Variants in CDH7 observed in about 807,000 individuals in gnomAD.
The protein encoded by CDH7 is cadherin-7.
Under a neutral mutation model 71.8 loss-of-function variants are expected in CDH7, and 25 were observed. The observed-to-expected ratio is 0.35, with a 90% CI of 0.25 to 0.49. The LOEUF is 0.49. Ranked by LOEUF, CDH7 falls within the 20% of genes least tolerant of loss-of-function variation. The pLI is 0.99. For synonymous variants in CDH7, 381 were observed against 363.8 expected (o/e 1.05, Z -0.54); for missense variants, 862 against 974.6 (o/e 0.88, Z 1.54).
chr18:65,843,990 C>T lies in CDH7; in HGVS notation c.1160C>T (p.Ser387Leu), dbSNP rs371003088. The change falls in exon 7 of 12, where the codon TCG (serine) becomes TTG (leucine). Residue 387 changes from serine (S) to leucine (L), a missense_variant. Physicochemically the swap from Ser to Leu is moderately radical, Grantham distance 145. Transcript: ENST00000397968. ...FSSPLYPMEV[S>L]EATQVGNIIG... ...TCACCCTTGTACCCTATGGAGGTGT[C>T]GGAAGCTACCCAGGTTGGGAATATC... 6.1e-5 allele frequency: 99 copies of T among 1,612,614 alleles called. No individual in the cohort carries two copies. The highest frequency in any genetic ancestry group is 7.7e-5 in the Non-Finnish European group (91 of 1,179,238).
chr18:65,817,105 G>A (rs1911750547), intron 4 of CDH7, among the ~76,000 whole-genome samples: 1 of 152,058 alleles, frequency 6.6e-6, no homozygotes, highest in Non-Finnish European at 1.5e-5. Flanking sequence ...TCGGAATGAC[G>A]GCATAGGTCA....
chr18:65,794,995 A>G (rs1910858749), intron 2 of CDH7, among the ~76,000 whole-genome samples: 1 of 152,254 alleles, frequency 6.6e-6, no homozygotes, highest in South Asian at 2.1e-4. Context: ...TAAAAGAGCT[A>G]TACAACAATT....
In CDH7 at chr18:65,885,842, T is replaced by C. The variant is rs1015177956; in HGVS notation, c.*4948T>C. ...ACCGAATGAAAGGAGAAATATCTTA[T>C]TTGCTGTAACAATCTAATTTATATT... On this transcript the variant is annotated 3_prime_UTR_variant, in exon 12 of 12. Transcript: ENST00000397968. 4.6e-5 allele frequency: 7 copies of C among 152,204 alleles called. No homozygotes were observed. The highest frequency in any genetic ancestry group is 2.1e-4 in the South Asian group (1 of 4,830). The allele number at this position is 152,204 out of a possible 1,614,324, so 9.4% of individuals were successfully genotyped here.
At chr18:65,858,566 A>T (rs1913446667) in intron 8 of CDH7, among the ~76,000 whole-genome samples, 1 of 151,992 alleles carries the variant, frequency 6.6e-6, no homozygotes, top group Non-Finnish European at 1.5e-5. Flanking sequence ...CTCATCAGGG[A>T]CTAAAAAACT....
chr18:65,853,008 A>G (rs1913204594), intron 7 of CDH7, among the ~76,000 whole-genome samples: 1 of 152,162 alleles, frequency 6.6e-6, no homozygotes, highest in Admixed American at 6.6e-5. Context: ...AATTTCAGGA[A>G]CTAGTTTTAG....
At position 65,882,511 on chromosome 18, in the gene CDH7, T is replaced by C. The variant is rs901731789; in HGVS notation, c.*1617T>C. 2 of 152,124 alleles carry C rather than the reference T, an allele frequency of 1.3e-5. No homozygotes were observed. The highest frequency in any genetic ancestry group is 4.8e-5 in the African/African-American group (2 of 41,448). 9.4% of individuals were successfully genotyped at this position (152,124 alleles called of 1,614,324 possible). On this transcript the variant is annotated 3_prime_UTR_variant, in exon 12 of 12. Transcript: ENST00000397968. ...CAGTGGAATTAGAATATTAATATGT[T>C]GATTACACAAAGAAGAACTATGTAG...
rs941843960 is a variant in CDH7, at chr18:65,814,471, G to T, written c.506-14G>T. 1.9e-6 allele frequency: 3 copies of T among 1,613,566 alleles called. No homozygotes were observed. The highest frequency in any genetic ancestry group is 2.5e-6 in the Non-Finnish European group (3 of 1,179,794). ...GGAAGTTTTTAATTCAGTGGTTTTG[G>T]GATTGGCATCTAGGGACCTCAGTGG... On this transcript the variant is annotated splice_polypyrimidine_tract_variant and intron_variant, in intron 3 of 11. Coordinates refer to ENST00000397968, the MANE Select transcript of CDH7 (RefSeq NM_004361.5).
At position 65,762,760 on chromosome 18, in the gene CDH7, A is replaced by G; in HGVS notation, c.-83A>G. On this transcript the variant is annotated 5_prime_UTR_variant, in exon 2 of 12. Coordinates refer to ENST00000397968, the MANE Select transcript of CDH7 (RefSeq NM_004361.5). Reference sequence around the variant, plus strand: ...CCCAGCTGACACCCTGCCGGAGGCAAGAGCTACTAAGCCAACTGGAACTGT... The same window carrying G: ...CCCAGCTGACACCCTGCCGGAGGCAGGAGCTACTAAGCCAACTGGAACTGT... The G allele has an allele frequency of 1.7e-6, 2 of 1,151,782 alleles. No individual in the cohort carries two copies. The highest frequency in any genetic ancestry group is 2.5e-6 in the Non-Finnish European group (2 of 816,038). 71.3% of individuals were successfully genotyped at this position (1,151,782 alleles called of 1,614,324 possible).
Position 65,751,590 on chromosome 18 carries a change from G to C in CDH7, c.-197+440G>C, listed in dbSNP as rs1007961832. 5.3e-5 allele frequency among the ~76,000 whole-genome samples: 8 copies of C among 152,188 alleles called. No homozygotes were observed. The East Asian group carries it at 5.8e-4, about 11-fold the overall frequency. On this transcript the variant is annotated intron_variant, in intron 1 of 11. Transcript: ENST00000397968. ...TTCTGCAGAGGTCTGAGGCTGGAAG[G>C]GGGTATGCGCCGCTTTGGGCAGGAG...
chr18:65,787,303 G>A (rs542672106), intron 2 of CDH7, among the ~76,000 whole-genome samples: 1 of 152,174 alleles, frequency 6.6e-6, no homozygotes, highest in Non-Finnish European at 1.5e-5. Context: ...TTGATTGAGG[G>A]GTGGTTATAC....
chr18:65,814,517 G>C lies in CDH7; in HGVS notation c.538G>C (p.Ala180Pro). The change falls in exon 4 of 12, where the codon GCT (alanine) becomes CCT (proline). Residue 180 changes from alanine (A) to proline (P), a missense_variant. Ala to Pro is a conservative substitution (Grantham distance 27). Coordinates refer to ENST00000397968, the MANE Select transcript of CDH7 (RefSeq NM_004361.5). ...TSVVQVTATD[A>P]DDPTYGNSAR... is the part of the protein sequence containing the mutation. ...AGTGGTACAAGTGACAGCGACGGAT[G>C]CTGATGATCCTACATATGGCAACAG... 2 of 1,613,872 alleles carry C rather than the reference G, an allele frequency of 1.2e-6. No individual in the cohort carries two copies. Among genetic ancestry groups the C allele is most frequent in the Non-Finnish European group, 1.7e-6 (2 of 1,179,828 alleles).
intron 1 of CDH7, among the ~76,000 whole-genome samples, chr18:65,759,817 T>C (rs7238805): frequency 0.017 from 2,530 of 152,258 alleles, 59 homozygotes; most frequent in African/African-American, 0.058. Flanking sequence ...GCTTCGTTCC[T>C]CATCAGTAAA....
At chr18:65,808,937 T>C (rs776742060) in intron 2 of CDH7, among the ~76,000 whole-genome samples, 1 of 152,314 alleles carries the variant, frequency 6.6e-6, no homozygotes, top group East Asian at 1.9e-4. Context: ...TGTTCAACAT[T>C]ATGTTCTGAC....
At chr18:65,851,954 A>G (rs1276789803) in intron 7 of CDH7, among the ~76,000 whole-genome samples, 2 of 152,204 alleles carry the variant, frequency 1.3e-5, no homozygotes, top group Admixed American at 6.5e-5. Context: ...TTCTGATGTA[A>G]TTGGAAAGGC....
intron 3 of CDH7, among the ~76,000 whole-genome samples, chr18:65,810,900 C>A (rs1186789848): frequency 6.6e-6 from 1 of 152,116 alleles, no homozygotes; most frequent in Non-Finnish European, 1.5e-5. Flanking sequence ...CTTTTGTCAT[C>A]GCGCCATTAC....
rs570834149 is a variant in CDH7 at position 65,844,136 on chromosome 18, C to T, written c.1235+71C>T. The T allele has an allele frequency of 2.5e-4, 301 of 1,217,218 alleles. 3 individuals are homozygous for T. The South Asian group carries it at 3.3e-3, about 13-fold the overall frequency. 75.4% of individuals were successfully genotyped at this position (1,217,218 alleles called of 1,614,324 possible). ...ATTCTTGTTCACAACTCTTATTTTA[C>T]GCTCTGATGTTCCTTTGTTCATAAC... is the stretch of plus-strand genomic sequence containing the variant. On this transcript the variant is annotated intron_variant, in intron 7 of 11. Coordinates refer to ENST00000397968, the MANE Select transcript of CDH7 (RefSeq NM_004361.5).
chr18:65,790,072 A>C (rs1361479531), intron 2 of CDH7, among the ~76,000 whole-genome samples: 1 of 151,890 alleles, frequency 6.6e-6, no homozygotes, highest in Non-Finnish European at 1.5e-5. Flanking sequence ...TACTAAAAAT[A>C]CAAAAAAATT....
chr18:65,764,546 G>A (rs552734886), intron 2 of CDH7, among the ~76,000 whole-genome samples: 1 of 151,996 alleles, frequency 6.6e-6, no homozygotes, highest in African/African-American at 2.4e-5. Context: ...AGGAGTAACC[G>A]TAATGATTAG....
intron 2 of CDH7, among the ~76,000 whole-genome samples, chr18:65,790,152 CA>C (rs1381175341): frequency 7.1e-6 from 1 of 140,648 alleles, no homozygotes; most frequent in Non-Finnish European, 1.5e-5. Flanking sequence ...ACCCAGGAGG[CA>C]GAGTTTGCAG....
Sources: gnomAD v4.1 joint callset for allele counts (sites outside exome capture counted in the v4.1 genomes callset) on GRCh38, gnomAD v4.1.1 for gene constraint, MANE v1.5 for transcripts, NCBI Gene and HGNC (gene_info 2026-07-23, HGNC 2026-07-21) for gene names.